NRXN3: variants seen among roughly 807,000 people sequenced by gnomAD.
NRXN3 encodes neurexin III.
Under a neutral mutation model 137.6 loss-of-function variants are expected in NRXN3, and 32 were observed. That is an observed-to-expected ratio of 0.23 (90% confidence interval 0.18 to 0.31). The LOEUF (loss-of-function observed/expected upper bound fraction) is 0.31. NRXN3 is among the 10% of genes least tolerant of loss of function. The pLI, the probability that NRXN3 is intolerant of heterozygous loss-of-function variation, is 1.00. For synonymous variants in NRXN3, 798 were observed against 784.5 expected, an observed-to-expected ratio of 1.02 and a Z score of -0.29; for missense variants, 1,574 against 2,062.5, an observed-to-expected ratio of 0.76 and a Z score of 4.59.
At chr14:79,091,282 T>C (rs938828453) in intron 15 of NRXN3, among the ~76,000 whole-genome samples, 1 of 152,150 alleles carries the variant, frequency 6.6e-6, no homozygotes, top group African/African-American at 2.4e-5. Context: ...GAGTATTCTA[T>C]ATAAGGTCTG....
At chr14:79,536,921 T>C (rs569933279) in intron 16 of NRXN3, among the ~76,000 whole-genome samples, 46 of 152,288 alleles carry the variant, frequency 3.0e-4, no homozygotes, top group African/African-American at 1.1e-3. Flanking sequence ...AATGAACATA[T>C]GTGTGCATGT....
chr14:79,109,132 G>A (rs539385020), intron 15 of NRXN3, among the ~76,000 whole-genome samples: 28 of 152,290 alleles, frequency 1.8e-4, no homozygotes, highest in Admixed American at 1.8e-3. Context: ...ACTTTCCCCA[G>A]TTGGTTGCTT....
chr14:78,928,138 C>T (rs928279330), intron 10 of NRXN3, among the ~76,000 whole-genome samples: 6 of 152,148 alleles, frequency 3.9e-5, no homozygotes, highest in Non-Finnish European at 8.8e-5. Flanking sequence ...CTCTGTCTCA[C>T]TGCCCCACTT....
intron 16 of NRXN3, among the ~76,000 whole-genome samples, chr14:79,653,814 C>T (rs2098489730): frequency 6.6e-6 from 1 of 152,182 alleles, no homozygotes; most frequent in Non-Finnish European, 1.5e-5. Context: ...AACACCCCCA[C>T]ACACAAGTCA....
At chr14:79,736,848 A>T (rs892128134) in intron 19 of NRXN3, among the ~76,000 whole-genome samples, 1 of 152,212 alleles carries the variant, frequency 6.6e-6, no homozygotes, top group Non-Finnish European at 1.5e-5. Flanking sequence ...CTTTTCTCCA[A>T]CAGATGTGTA....
intron 15 of NRXN3, among the ~76,000 whole-genome samples, chr14:79,272,862 G>C (rs943119595): frequency 3.9e-5 from 6 of 152,138 alleles, no homozygotes; most frequent in African/African-American, 1.4e-4. Flanking sequence ...GACAGATTTT[G>C]CATTCCGTGA....
intron 4 of NRXN3, among the ~76,000 whole-genome samples, chr14:78,568,852 G>C (rs1566772110): frequency 6.6e-6 from 1 of 152,044 alleles, no homozygotes; most frequent in Admixed American, 6.6e-5. Flanking sequence ...AACTTTAGTG[G>C]GCATGAGAAA....
At chr14:78,432,140 G>A (rs769976536) in intron 4 of NRXN3, among the ~76,000 whole-genome samples, 2 of 152,130 alleles carry the variant, frequency 1.3e-5, no homozygotes, top group Non-Finnish European at 2.9e-5. Flanking sequence ...AAATGAATTT[G>A]TTTCTGAAAG....
At chr14:78,500,085 C>T (rs1422513899) in intron 4 of NRXN3, among the ~76,000 whole-genome samples, 4 of 152,070 alleles carry the variant, frequency 2.6e-5, no homozygotes. Context: ...GCATGCCTGA[C>T]CTGTGGGTTG....
intron 1 of NRXN3, among the ~76,000 whole-genome samples, chr14:78,224,272 G>T (rs565178474): frequency 6.0e-5 from 9 of 149,072 alleles, no homozygotes; most frequent in African/African-American, 1.7e-4. Context: ...TACTTTTTTT[G>T]TTTTATTTTA....
intron 4 of NRXN3, among the ~76,000 whole-genome samples, chr14:78,442,905 T>G (rs184318540): frequency 1.3e-5 from 2 of 152,364 alleles, no homozygotes; most frequent in Non-Finnish European, 2.9e-5. Context: ...CAGATTACTC[T>G]GACTTACCTC....
chr14:79,280,325 C>T, intron 15 of NRXN3: 3 of 1,614,144 alleles, frequency 1.9e-6, no homozygotes, highest in Non-Finnish European at 1.7e-6. Flanking sequence ...ACGGAGCCCT[C>T]CTCGCCGGCC....
In NRXN3 at chr14:79,083,319, G is replaced by A. The variant is rs116208753; in HGVS notation, c.3262+95178G>A. ...GAAATTCTGATCTGTAAATCTGGAT[G>A]GGAACCACACGAGGGAAAGGATCCC... On this transcript the variant is annotated intron_variant, in intron 15 of 20. Transcript: ENST00000335750. Among the ~76,000 whole-genome samples the A allele has an allele frequency of 3.0e-3, 463 of 152,304 alleles. 7 individuals are homozygous for A. The highest frequency in any genetic ancestry group is 0.011 in the African/African-American group (438 of 41,562).
chr14:78,343,300 T>C (rs2082344118), intron 4 of NRXN3, among the ~76,000 whole-genome samples: 1 of 152,230 alleles, frequency 6.6e-6, no homozygotes, highest in Admixed American at 6.5e-5. Flanking sequence ...CTCACAGTTC[T>C]ATCTATGATG....
intron 15 of NRXN3, among the ~76,000 whole-genome samples, chr14:79,136,207 A>G (rs2058208167): frequency 6.6e-6 from 1 of 152,000 alleles, no homozygotes; most frequent in Non-Finnish European, 1.5e-5. Context: ...CCTCTATGAT[A>G]CTCCCTAAAG....
chr14:79,169,925 T>G (rs1244148578), intron 15 of NRXN3, among the ~76,000 whole-genome samples: 1 of 152,002 alleles, frequency 6.6e-6, no homozygotes, highest in Non-Finnish European at 1.5e-5. Context: ...GACTACAGAA[T>G]ACATTGTTCT....
intron 3 of NRXN3, among the ~76,000 whole-genome samples, chr14:78,295,072 G>C (rs561054551): frequency 6.6e-6 from 1 of 152,350 alleles, no homozygotes; most frequent in Non-Finnish European, 1.5e-5. Flanking sequence ...ACCTGGGCAT[G>C]ATGGAATTCT....
At chr14:78,979,398 A>G (rs1049128532) in intron 14 of NRXN3, among the ~76,000 whole-genome samples, 16 of 152,160 alleles carry the variant, frequency 1.1e-4, no homozygotes, top group African/African-American at 3.9e-4. Flanking sequence ...ATTTCCCTGT[A>G]GGGTTTCTAT....
chr14:79,441,200 T>A (rs1251068287), intron 15 of NRXN3, among the ~76,000 whole-genome samples: 13 of 151,998 alleles, frequency 8.6e-5, no homozygotes, highest in South Asian at 2.1e-4. Context: ...TCTTTTTTTT[T>A]AAATAGAAAC....
Sources: allele counts gnomAD v4.1 joint callset (sites outside exome capture counted in the v4.1 genomes callset), GRCh38; gene constraint gnomAD v4.1.1; transcripts MANE v1.5; gene names NCBI Gene and HGNC (gene_info 2026-07-23, HGNC 2026-07-21).